The following CHST9 variants were observed in gnomAD, a reference collection of about 807,000 sequenced individuals.
The protein encoded by CHST9 is carbohydrate sulfotransferase 9.
Under a neutral mutation model 44.4 loss-of-function variants are expected in CHST9, and 41 were observed. That is an observed-to-expected ratio of 0.92 (90% CI 0.72 to 1.20). The LOEUF (loss-of-function observed/expected upper bound fraction) is 1.20. Ranked by LOEUF, CHST9 falls within the 50% of genes most tolerant of loss-of-function variation. The pLI is 0.00. For synonymous variants in CHST9, 171 were observed against 178.4 expected (o/e 0.96, Z 0.33); for missense variants, 504 against 516.5 (o/e 0.98, Z 0.23).
intron 2 of CHST9, among the ~76,000 whole-genome samples, chr18:27,109,962 T>G (rs1188631980): frequency 6.6e-6 from 1 of 152,066 alleles, no homozygotes; most frequent in African/African-American, 2.4e-5. Flanking sequence ...AATGGGAAAG[T>G]CCAATTTCCT....
At chr18:27,123,128 C>A (rs2058389333) in intron 2 of CHST9, among the ~76,000 whole-genome samples, 1 of 152,118 alleles carries the variant, frequency 6.6e-6, no homozygotes, top group Non-Finnish European at 1.5e-5. Context: ...CTCAGAACTC[C>A]CAATGTGGGG....
intron 4 of CHST9, among the ~76,000 whole-genome samples, chr18:26,989,245 C>T (rs776395829): frequency 4.0e-5 from 6 of 151,714 alleles, no homozygotes; most frequent in East Asian, 1.9e-4. Context: ...AAAAACAAAC[C>T]GTAGAATAAA....
At chr18:26,985,790 G>A (rs1205548506) in intron 4 of CHST9, among the ~76,000 whole-genome samples, 1 of 152,128 alleles carries the variant, frequency 6.6e-6, no homozygotes, top group East Asian at 1.9e-4. Context: ...CACAAGGGTG[G>A]GAACAGTGCC....
chr18:26,910,885 T>C lies in CHST9; in HGVS notation c.*5374A>G, dbSNP rs2055431503. 1 of 152,242 alleles carries C rather than the reference T, an allele frequency of 6.6e-6. No individual in the cohort carries two copies. Among genetic ancestry groups the C allele is most frequent in the Non-Finnish European group, 1.5e-5 (1 of 68,042 alleles). 9.4% of individuals were successfully genotyped at this position (152,242 alleles called of 1,614,324 possible). ...ATGTATGCAAAGTATTTTTCCCGTG[T>C]CTGCTACTGAGTAGATCCTCAGTAA... On this transcript the variant is annotated 3_prime_UTR_variant, in exon 6 of 6. Coordinates refer to ENST00000618847, the MANE Select transcript of CHST9 (RefSeq NM_031422.6).
At position 27,118,455 on chromosome 18, in the gene CHST9, A is replaced by G. The variant is rs377151640; in HGVS notation, c.121+24234T>C. On this transcript the variant is annotated intron_variant, in intron 2 of 5. Coordinates refer to ENST00000618847, the MANE Select transcript of CHST9 (RefSeq NM_031422.6). ...TAGTAAGTTTATAAGCATCTTCAAA[A>G]TAAGTATTAGTAATTCATTTTACAC... 4.8e-4 allele frequency among the ~76,000 whole-genome samples: 73 copies of G among 152,364 alleles called. 1 individual carries two copies. The East Asian group carries it at 9.4e-3, about 20-fold the overall frequency.
intron 4 of CHST9, among the ~76,000 whole-genome samples, chr18:26,975,715 G>A (rs1291742243): frequency 1.2e-3 from 106 of 86,046 alleles, no homozygotes; most frequent in African/African-American, 4.3e-3. Context: ...ATATATGTGT[G>A]TGTGTGTGTG....
At chr18:27,148,248 CT>C (rs571410679) in intron 1 of CHST9, among the ~76,000 whole-genome samples, 10 of 150,894 alleles carry the variant, frequency 6.6e-5, no homozygotes, top group South Asian at 4.2e-4. Flanking sequence ...ACCACATTTT[CT>C]TTTTTTTTAA....
chr18:27,146,107 G>A (rs180995930), intron 1 of CHST9, among the ~76,000 whole-genome samples: 67 of 152,274 alleles, frequency 4.4e-4, no homozygotes, highest in African/African-American at 1.6e-3. Context: ...CTGTGGGAAC[G>A]GTGGGAGTAA....
At chr18:26,958,412 A>G (rs1449604863) in intron 4 of CHST9, among the ~76,000 whole-genome samples, 2 of 152,020 alleles carry the variant, frequency 1.3e-5, no homozygotes, top group Non-Finnish European at 2.9e-5. Flanking sequence ...GATTCTAGAC[A>G]TCAGCTCTGG....
At chr18:27,122,010 A>C (rs1380891421) in intron 2 of CHST9, among the ~76,000 whole-genome samples, 1 of 152,154 alleles carries the variant, frequency 6.6e-6, no homozygotes, top group Non-Finnish European at 1.5e-5. Context: ...GTTGTGTTTG[A>C]AGCTCGTGAG....
At chr18:26,961,535 T>A (rs1296166327) in intron 4 of CHST9, among the ~76,000 whole-genome samples, 2 of 151,772 alleles carry the variant, frequency 1.3e-5, no homozygotes, top group Admixed American at 6.6e-5. Flanking sequence ...GCTCAGACAA[T>A]CCCTCCAATT....
chr18:27,044,618 G>C (rs900810923), intron 3 of CHST9, among the ~76,000 whole-genome samples: 1 of 151,652 alleles, frequency 6.6e-6, no homozygotes, highest in African/African-American at 2.4e-5. Context: ...GTTTAATGTT[G>C]GTCACCAATA....
intron 2 of CHST9, among the ~76,000 whole-genome samples, chr18:27,125,707 C>T (rs2058415003): frequency 6.6e-6 from 1 of 152,150 alleles, no homozygotes; most frequent in African/African-American, 2.4e-5. Context: ...ATATTTTGTT[C>T]TTTCTCTGAG....
chr18:27,135,648 C>T (rs533199340), intron 2 of CHST9, among the ~76,000 whole-genome samples: 10 of 152,092 alleles, frequency 6.6e-5, no homozygotes, highest in South Asian at 2.1e-4. Context: ...TAAAAATCCC[C>T]GTATCGGGGC....
chr18:27,022,862 C>T (rs1205228813), intron 4 of CHST9, among the ~76,000 whole-genome samples: 9 of 152,196 alleles, frequency 5.9e-5, no homozygotes. Flanking sequence ...TTGTCTCCAT[C>T]TCTGTCTCAA....
chr18:27,123,425 C>T (rs1033991185), intron 2 of CHST9, among the ~76,000 whole-genome samples: 1 of 152,022 alleles, frequency 6.6e-6, no homozygotes, highest in Non-Finnish European at 1.5e-5. Flanking sequence ...CAATAATATC[C>T]TAGAGAGACT....
At chr18:27,015,090 T>C (rs1268120508) in intron 4 of CHST9, among the ~76,000 whole-genome samples, 2 of 152,174 alleles carry the variant, frequency 1.3e-5, no homozygotes, top group Middle Eastern at 3.2e-3. Flanking sequence ...GTTTTAGTTA[T>C]GGTCATTTGC....
In CHST9 at chr18:26,908,014, G is replaced by A. The variant is rs2055391530; in HGVS notation, c.*8245C>T. 6.4e-6 allele frequency: 1 copy of A among 155,114 alleles called. No individual in the cohort carries two copies. The highest frequency in any genetic ancestry group is 6.4e-5 in the Admixed American group (1 of 15,614). 9.6% of individuals were successfully genotyped at this position (155,114 alleles called of 1,614,324 possible). A position where few individuals can be genotyped will look rare whatever the true frequency, so the allele number is the denominator to read the frequency against. On this transcript the variant is annotated 3_prime_UTR_variant, in exon 6 of 6. Coordinates refer to ENST00000618847, the MANE Select transcript of CHST9 (RefSeq NM_031422.6). Reference sequence around the variant, plus strand: ...TGCCAGAACTGGGGGAGGGCAAAAAGTGAAGTTGTTTAATAGGTGCAGAGT... The same window carrying A: ...TGCCAGAACTGGGGGAGGGCAAAAAATGAAGTTGTTTAATAGGTGCAGAGT...
At chr18:27,011,906 G>T (rs560383622) in intron 4 of CHST9, among the ~76,000 whole-genome samples, 17 of 152,294 alleles carry the variant, frequency 1.1e-4, no homozygotes, top group Non-Finnish European at 2.2e-4. Flanking sequence ...TGGATCCGAA[G>T]TTTAGATTGC....
Sources: gnomAD v4.1 joint callset for allele counts (sites outside exome capture counted in the v4.1 genomes callset) on GRCh38, gnomAD v4.1.1 for gene constraint, MANE v1.5 for transcripts, NCBI Gene and HGNC (gene_info 2026-07-23, HGNC 2026-07-21) for gene names.